Variants in TVP23B observed in about 807,000 individuals in gnomAD.
TVP23B encodes Golgi apparatus membrane protein TVP23 homolog B.
A neutral mutation model predicts 30.6 loss-of-function variants in TVP23B; 10 were observed. That is an observed-to-expected ratio of 0.33 (90% CI 0.20 to 0.55). The LOEUF (loss-of-function observed/expected upper bound fraction) is 0.55, where lower values mean the gene tolerates loss of function less well. TVP23B is among the 20% of genes least tolerant of loss of function. TVP23B has a pLI of 0.91. For synonymous variants in TVP23B, 67 were observed against 83.1 expected, an observed-to-expected ratio of 0.81 and a Z score of 1.06; for missense variants, 153 against 243.2, an observed-to-expected ratio of 0.63 and a Z score of 2.47.
intron 1 of TVP23B, chr17:18,781,698 T>C (rs1335121762): frequency 1.8e-5 from 5 of 276,368 alleles, no homozygotes; most frequent in Admixed American, 5.1e-5. Context: ...AGAGCCTCGC[T>C]TTCAAATTGC....
intron 5 of TVP23B, among the ~76,000 whole-genome samples, chr17:18,801,980 G>C (rs2036173781): frequency 6.6e-6 from 1 of 152,020 alleles, no homozygotes; most frequent in Admixed American, 6.6e-5. Context: ...CCAGCACTTT[G>C]GGAGGGCCAA....
intron 3 of TVP23B, among the ~76,000 whole-genome samples, chr17:18,792,457 A>G (rs1367562303): frequency 1.3e-5 from 2 of 152,206 alleles, no homozygotes; most frequent in Non-Finnish European, 2.9e-5. Flanking sequence ...TCTGTTGTCC[A>G]GTCTTCTTTG....
At chr17:18,782,389 C>G (rs1435164476) in intron 1 of TVP23B, 1 of 151,344 alleles carries the variant, frequency 6.6e-6, no homozygotes, top group Non-Finnish European at 1.5e-5. Context: ...GCCTGTAGTC[C>G]CAGCTACTCG....
intron 3 of TVP23B, among the ~76,000 whole-genome samples, chr17:18,795,066 C>T (rs71372291): frequency 0.21 from 29,078 of 138,768 alleles, 3,627 homozygotes; most frequent in East Asian, 0.54. Flanking sequence ...TGCTTTGTCA[C>T]CCAAGCTGGA....
At position 18,790,993 on chromosome 17, in the gene TVP23B, A is replaced by G. The variant is rs1410092779; in HGVS notation, c.193A>G (p.Met65Val). 2.5e-6 allele frequency: 4 copies of G among 1,611,790 alleles called. No individual in the cohort carries two copies. Among genetic ancestry groups the G allele is most frequent in the Non-Finnish European group, 3.4e-6 (4 of 1,179,382 alleles). Residue 65 changes from methionine to valine, a missense_variant, in exon 3 of 7, where the codon ATG becomes GTG. Physicochemically the swap from Met to Val is conservative, Grantham distance 21. Coordinates refer to ENST00000307767, the MANE Select transcript of TVP23B (RefSeq NM_016078.6). ...GCTCAGCAGCAGCTTTATTACCTGTATGGTGACAATTATCTTGTTGTTGTC... is the reference window on the plus strand; with the variant it reads ...GCTCAGCAGCAGCTTTATTACCTGTGTGGTGACAATTATCTTGTTGTTGTC... Reference protein sequence around the residue: ...GLLSSSFITCMVTIILLLSCD... With the variant: ...GLLSSSFITCVVTIILLLSCD...
In TVP23B at chr17:18,794,782, T is replaced by C. The variant is rs532103065; in HGVS notation, c.241-2797T>C. Among the ~76,000 whole-genome samples, 323 of 151,790 alleles carry C rather than the reference T, an allele frequency of 2.1e-3. 1 individual carries two copies. Among genetic ancestry groups the C allele is most frequent in the African/African-American group, 7.7e-3 (317 of 41,434 alleles). On this transcript the variant is annotated intron_variant, in intron 3 of 6. Transcript: ENST00000307767. ...GGTCTCCCTTGCCAGCTCTTTTTTT[T>C]TTTTTTACTTAGCATCTCTCCCATA...
chr17:18,789,505 T>C, intron 2 of TVP23B, 70 bp downstream of exon 2: 1 of 1,600,972 alleles, frequency 6.2e-7, no homozygotes, highest in South Asian at 1.1e-5. Flanking sequence ...CAGTGCTAGC[T>C]GATGGGAGTC....
At chr17:18,786,254 A>G (rs2035904007) in intron 1 of TVP23B, among the ~76,000 whole-genome samples, 1 of 151,744 alleles carries the variant, frequency 6.6e-6, no homozygotes, top group African/African-American at 2.4e-5. Context: ...TCTTTTTGCC[A>G]AGTAAATTTA....
chr17:18,788,330 CAAAAAAA>C (rs961283447), intron 1 of TVP23B, among the ~76,000 whole-genome samples: 1 of 67,360 alleles, frequency 1.5e-5, no homozygotes, highest in African/African-American at 5.7e-5. Flanking sequence ...GACTCCATCT[CAAAAAAA>C]AAAAAAAAAA....
Position 18,781,251 on chromosome 17 carries a change from G to C in TVP23B, c.-43G>C, listed in dbSNP as rs184891624. 9.0e-6 allele frequency: 14 copies of C among 1,559,402 alleles called. No homozygotes were observed. In the African/African-American group the frequency reaches 1.5e-4, roughly 17 times the overall value. ...TTCCGACCCGGACCCGTACGCTGCT[G>C]CGCTGACGTGGCTCCCGGAAGTAGG... On this transcript the variant is annotated 5_prime_UTR_variant, in exon 1 of 7. Transcript: ENST00000307767.
rs2036093971 is a variant in TVP23B at position 18,797,561 on chromosome 17, T to G, written c.241-18T>G. 1 of 1,612,730 alleles carries G rather than the reference T, an allele frequency of 6.2e-7. No individual in the cohort carries two copies. The highest frequency in any genetic ancestry group is 1.1e-5 in the South Asian group (1 of 90,764). On this transcript the variant is annotated intron_variant, in intron 3 of 6. Coordinates refer to ENST00000307767, the MANE Select transcript of TVP23B (RefSeq NM_016078.6). ...ATAATGCTTTTAAAATGTGCCTGTT[T>G]ATATTAATCTTCACCAGAATGTCAC...
chr17:18,794,641 T>A (rs1310012445), intron 3 of TVP23B, among the ~76,000 whole-genome samples: 2 of 151,916 alleles, frequency 1.3e-5, no homozygotes, highest in Non-Finnish European at 2.9e-5. Flanking sequence ...ATCAGGAAAA[T>A]AAACTAATAA....
intron 4 of TVP23B, among the ~76,000 whole-genome samples, 181 bp from the exon 5 acceptor site, chr17:18,798,631 T>TA (rs1263756480): frequency 1.3e-5 from 2 of 152,220 alleles, no homozygotes. Context: ...ATTCTTGAGT[T>TA]AATATAGATC....
intron 3 of TVP23B, chr17:18,795,832 A>G (rs2036068617): frequency 6.6e-6 from 1 of 152,168 alleles, no homozygotes; most frequent in African/African-American, 2.4e-5. Context: ...TTATGTTGTT[A>G]TAATTGTTCT....
rs1019517672 is a variant in TVP23B at position 18,801,744 on chromosome 17, TAAAAC to T, written c.463-2387_463-2383del. ...TTTTCTAGCAGTGTTTCTACTTCCT[TAAAAC>T]AAAACAGGGAGAGGTTATGTGAAAG... On this transcript the variant is annotated intron_variant, in intron 5 of 6. Transcript: ENST00000307767. Among the ~76,000 whole-genome samples, 28 of 152,106 alleles carry T rather than the reference TAAAAC, an allele frequency of 1.8e-4. 1 individual carries two copies. The highest frequency in any genetic ancestry group is 1.8e-4 in the Non-Finnish European group (12 of 67,994).
intron 1 of TVP23B, among the ~76,000 whole-genome samples, chr17:18,786,371 T>TA (rs2035905437): frequency 6.6e-6 from 1 of 150,828 alleles, no homozygotes; most frequent in Non-Finnish European, 1.5e-5. Flanking sequence ...GATAAGGTCT[T>TA]AGAGATTGGC....
intron 3 of TVP23B, among the ~76,000 whole-genome samples, chr17:18,791,901 C>A (rs565478728): frequency 2.5e-4 from 38 of 151,074 alleles, no homozygotes; most frequent in Admixed American, 8.6e-4. Flanking sequence ...TGTGTGTGTT[C>A]GAAAATATAG....
intron 2 of TVP23B, chr17:18,789,702 T>A (rs2035962806): frequency 5.0e-6 from 2 of 400,600 alleles, no homozygotes; most frequent in East Asian, 8.2e-5. Context: ...TCCAAGAATG[T>A]ACCATTTCTT....
chr17:18,790,320 C>A (rs1460706213), intron 2 of TVP23B, among the ~76,000 whole-genome samples: 1 of 151,546 alleles, frequency 6.6e-6, no homozygotes, highest in Non-Finnish European at 1.5e-5. Context: ...AAAAATTAGC[C>A]GGGCGTGGTG....
Sources: allele counts gnomAD v4.1 joint callset (sites outside exome capture counted in the v4.1 genomes callset), GRCh38; gene constraint gnomAD v4.1.1; transcripts MANE v1.5; gene names NCBI Gene and HGNC (gene_info 2026-07-23, HGNC 2026-07-21).